The following RFX3 variants were observed in gnomAD, a reference collection of about 807,000 sequenced individuals.
RFX3 encodes the protein regulatory factor X3.
In RFX3, 14 loss-of-function variants were observed where a neutral mutation model predicts 98.6. That is an observed-to-expected ratio of 0.14 (90% CI 0.09 to 0.22). The LOEUF is 0.22. RFX3 is among the 10% of genes least tolerant of loss of function. RFX3 has a pLI of 1.00. For synonymous variants in RFX3, 383 were observed against 328.4 expected, an observed-to-expected ratio of 1.17 and a Z score of -1.80; for missense variants, 639 against 926.9, an observed-to-expected ratio of 0.69 and a Z score of 4.03.
intron 1 of RFX3, among the ~76,000 whole-genome samples, chr9:3,481,068 TTATTA>T (rs1849717968): frequency 6.6e-6 from 1 of 152,180 alleles, no homozygotes; most frequent in African/African-American, 2.4e-5. Flanking sequence ...TAACTACAAT[TTATTA>T]TTGTCCAATT....
At chr9:3,307,416 G>C (rs12340705) in intron 4 of RFX3, among the ~76,000 whole-genome samples, 6,144 of 152,166 alleles carry the variant, frequency 0.04, 382 homozygotes, top group African/African-American at 0.14. Context: ...GGGATATAAT[G>C]TAGGATAGGA....
chr9:3,330,432 C>A lies in RFX3; in HGVS notation c.301G>T (p.Ala101Ser), dbSNP rs369707821. The change falls in exon 4 of 17, where the codon GCC becomes TCC. Residue 101 changes from alanine to serine, a missense_variant. Transcript: ENST00000617270. ...GNYFDTQGSS[A>S]QVTTVVSSHS... ...GATGAGACCACGGTAGTCACCTGGG[C>A]GGAACTCCCTTGAGTATCAAAGTAA... is the stretch of plus-strand genomic sequence containing the variant. 12 of 1,613,848 alleles carry A rather than the reference C, an allele frequency of 7.4e-6. No individual in the cohort carries two copies. The highest frequency in any genetic ancestry group is 1.0e-5 in the Non-Finnish European group (12 of 1,179,974).
chr9:3,488,820 T>G, intron 1 of RFX3: 1 of 985,174 alleles, frequency 1.0e-6, no homozygotes, highest in Non-Finnish European at 1.2e-6. Context: ...TCAGCTTATT[T>G]CTCTTGAGCT....
At chr9:3,340,954 C>T (rs1173096632) in intron 3 of RFX3, among the ~76,000 whole-genome samples, 2 of 152,294 alleles carry the variant, frequency 1.3e-5, no homozygotes, top group East Asian at 3.9e-4. Context: ...CACATGCACA[C>T]ATATGTTTAT....
rs1833142725 is a variant in RFX3 at position 3,336,082 on chromosome 9, T to C, written c.216-5565A>G. On this transcript the variant is annotated intron_variant, in intron 3 of 16. Transcript: ENST00000617270. Reference sequence around the variant, plus strand: ...CCTCCAACCAATAAGCTTGTCACTATAAAATCAACCAATGGCATGAAAGTG... The same window carrying C: ...CCTCCAACCAATAAGCTTGTCACTACAAAATCAACCAATGGCATGAAAGTG... Among the ~76,000 whole-genome samples, 3 of 152,302 alleles carry C rather than the reference T, an allele frequency of 2.0e-5. No homozygotes were observed. The East Asian group carries it at 5.8e-4, about 29-fold the overall frequency.
chr9:3,374,788 A>C (rs1838266788), intron 2 of RFX3, among the ~76,000 whole-genome samples: 1 of 152,132 alleles, frequency 6.6e-6, no homozygotes, highest in African/African-American at 2.4e-5. Flanking sequence ...TGTGAATGTA[A>C]TTAACACACT....
intron 4 of RFX3, among the ~76,000 whole-genome samples, chr9:3,317,911 T>C (rs533461535): frequency 6.6e-6 from 1 of 152,298 alleles, no homozygotes; most frequent in Non-Finnish European, 1.5e-5. Flanking sequence ...GGAACACTTT[T>C]ACACTGTTGG....
At chr9:3,434,610 C>G (rs527815579) in intron 1 of RFX3, among the ~76,000 whole-genome samples, 3 of 152,132 alleles carry the variant, frequency 2.0e-5, no homozygotes, top group African/African-American at 7.2e-5. Flanking sequence ...TAGGAACATC[C>G]TTCCCTAATC....
chr9:3,422,807 T>A (rs746114480), intron 1 of RFX3, among the ~76,000 whole-genome samples: 19 of 152,164 alleles, frequency 1.2e-4, no homozygotes, highest in Non-Finnish European at 2.6e-4. Flanking sequence ...GGAGGTTTTA[T>A]AAAAATAAAT....
At chr9:3,424,096 G>A (rs1389668121) in intron 1 of RFX3, among the ~76,000 whole-genome samples, 1 of 150,510 alleles carries the variant, frequency 6.6e-6, no homozygotes, top group African/African-American at 2.4e-5. Context: ...GCAGTGAGCT[G>A]AGATCGCGCC....
intron 1 of RFX3, among the ~76,000 whole-genome samples, chr9:3,505,255 T>TATATATTTATATATATATGA (rs1156365413): frequency 3.9e-5 from 3 of 76,838 alleles, no homozygotes; most frequent in Non-Finnish European, 5.8e-5. Context: ...TATATATGAA[T>TATATATTTATATATATATGA]ATATATTTAT....
chr9:3,246,891 G>A (rs1382541077), intron 15 of RFX3: 3 of 199,738 alleles, frequency 1.5e-5, no homozygotes, highest in African/African-American at 7.1e-5. Flanking sequence ...TTAAAGAAGT[G>A]GAAAAGATGA....
intron 1 of RFX3, among the ~76,000 whole-genome samples, chr9:3,442,246 C>T (rs972924393): frequency 6.6e-6 from 1 of 151,790 alleles, no homozygotes; most frequent in Admixed American, 6.6e-5. Flanking sequence ...AGTAACCTGG[C>T]TAATATTACC....
intron 4 of RFX3, among the ~76,000 whole-genome samples, chr9:3,313,871 T>C (rs892359462): frequency 1.3e-5 from 2 of 152,114 alleles, no homozygotes; most frequent in East Asian, 1.9e-4. Flanking sequence ...TATGGGACTA[T>C]GTGAAAAGAG....
At chr9:3,515,102 CAT>C (rs1818026373) in intron 1 of RFX3, among the ~76,000 whole-genome samples, 1 of 152,112 alleles carries the variant, frequency 6.6e-6, no homozygotes, top group Non-Finnish European at 1.5e-5. Context: ...AATGCAAAAA[CAT>C]ATATCCACAA....
intron 1 of RFX3, among the ~76,000 whole-genome samples, chr9:3,521,179 C>G (rs572057868): frequency 6.6e-6 from 1 of 152,040 alleles, no homozygotes; most frequent in South Asian, 2.1e-4. Context: ...CACATATCGC[C>G]AAATAGTATG....
chr9:3,331,879 G>A (rs1832643274), intron 3 of RFX3, among the ~76,000 whole-genome samples: 1 of 151,972 alleles, frequency 6.6e-6, no homozygotes, highest in Non-Finnish European at 1.5e-5. Context: ...TTAAATCTGG[G>A]TTTCTAACAG....
chr9:3,227,495 A>C (rs1333172063), intron 16 of RFX3, among the ~76,000 whole-genome samples: 2 of 152,176 alleles, frequency 1.3e-5, no homozygotes, highest in East Asian at 3.9e-4. Context: ...CAGGTTATGG[A>C]AATTTGGTGC....
At chr9:3,359,027 A>G (rs1279455744) in intron 2 of RFX3, among the ~76,000 whole-genome samples, 1 of 151,710 alleles carries the variant, frequency 6.6e-6, no homozygotes, top group Non-Finnish European at 1.5e-5. Flanking sequence ...GAGTAGGGAC[A>G]CAGAGCCCAC....
Sources: gnomAD v4.1 joint callset for allele counts (sites outside exome capture counted in the v4.1 genomes callset) on GRCh38, gnomAD v4.1.1 for gene constraint, MANE v1.5 for transcripts, NCBI Gene and HGNC (gene_info 2026-07-23, HGNC 2026-07-21) for gene names.